The following UGT2B17 variants were observed in gnomAD, a reference collection of about 807,000 sequenced individuals.
The protein encoded by UGT2B17 is UDP-glucuronosyltransferase 2B17.
UGT2B17 carries 21 observed loss-of-function variants against 48.2 expected under a neutral mutation model. That is an observed-to-expected ratio of 0.44 (90% CI 0.31 to 0.63). The LOEUF (loss-of-function observed/expected upper bound fraction) is 0.63, where lower values mean the gene tolerates loss of function less well. Ranked by LOEUF, UGT2B17 falls within the 20% of genes least tolerant of loss-of-function variation. UGT2B17 has a pLI of 0.08. For synonymous variants in UGT2B17, 146 were observed against 238.4 expected, an observed-to-expected ratio of 0.61 and a Z score of 3.57; for missense variants, 402 against 696.1, an observed-to-expected ratio of 0.58 and a Z score of 4.75.
Position 68,545,490 on chromosome 4 carries a change from C to G in UGT2B17, c.1313+5187G>C, listed in dbSNP as rs2109761620. On this transcript the variant is annotated intron_variant, in intron 6 of 6. Transcript: ENST00000317746. ...GAAAGCAGGAAACATCTAAAATTGACACCCTAACGTCACAATTAAAAGAAC... is the reference window on the plus strand; with the variant it reads ...GAAAGCAGGAAACATCTAAAATTGAGACCCTAACGTCACAATTAAAAGAAC... Among the ~76,000 whole-genome samples the G allele has an allele frequency of 1.6e-5, 2 of 125,340 alleles. 1 individual carries two copies. 82.2% of individuals were successfully genotyped at this position (125,340 alleles called of 152,430 possible). A position where few individuals can be genotyped will look rare whatever the true frequency, so the allele number is the denominator to read the frequency against.
At position 68,537,307 on chromosome 4, in the gene UGT2B17, G is replaced by A. The variant is rs1476251674; in HGVS notation, c.*318C>T. The A allele has an allele frequency of 7.9e-5, 12 of 152,216 alleles. 1 individual carries two copies. Among genetic ancestry groups the A allele is most frequent in the Non-Finnish European group, 1.4e-4 (11 of 78,556 alleles). The allele number at this position is 152,216 out of a possible 1,614,324, so 9.4% of individuals were successfully genotyped here. ...ATGAGTGGAGTTGTTAATGTTTTGT[G>A]TTCAAATACAATGTGTGAAACATAA... On this transcript the variant is annotated 3_prime_UTR_variant, in exon 7 of 7. Transcript: ENST00000317746.
rs992007859 is a variant in UGT2B17, at chr4:68,547,307, A to G, written c.1313+3370T>C. Among the ~76,000 whole-genome samples, 9 of 126,314 alleles carry G rather than the reference A, an allele frequency of 7.1e-5. 1 individual carries two copies. Among genetic ancestry groups the G allele is most frequent in the African/African-American group, 2.4e-4 (9 of 36,932 alleles). The allele number at this position is 126,314 out of a possible 152,430, so 82.9% of individuals were successfully genotyped here. ...CTATCTGATCTTTGACAAACCTTAC[A>G]AAAACAAGAAATGGGGAAAGGATTC... On this transcript the variant is annotated intron_variant, in intron 6 of 6. Transcript: ENST00000317746.
At chr4:68,546,723 C>G (rs1159184208) in intron 6 of UGT2B17, among the ~76,000 whole-genome samples, 1 of 125,866 alleles carries the variant, frequency 7.9e-6, no homozygotes, top group African/African-American at 2.7e-5. Context: ...GCAACTTCAG[C>G]AAAGTCTCAG....
At chr4:68,552,156 A>G (rs1730927930) in intron 4 of UGT2B17, among the ~76,000 whole-genome samples, 2 of 126,136 alleles carry the variant, frequency 1.6e-5, no homozygotes, top group African/African-American at 5.4e-5. Context: ...AGCTAGACAC[A>G]TGAGAGTGTG....
intron 3 of UGT2B17, among the ~76,000 whole-genome samples, chr4:68,563,783 T>A (rs1731145130): frequency 8.0e-6 from 1 of 125,718 alleles, no homozygotes; most frequent in Non-Finnish European, 1.7e-5. Context: ...CAACTTTAGC[T>A]TTCCAGCGTG....
intron 6 of UGT2B17, among the ~76,000 whole-genome samples, chr4:68,546,487 G>C (rs1345379545): frequency 7.9e-6 from 1 of 126,082 alleles, no homozygotes; most frequent in African/African-American, 2.7e-5. Flanking sequence ...TGGGCAAAAG[G>C]TGGAAGCATT....
At position 68,572,585 on chromosome 4, in the gene UGT2B17, C is replaced by T. The variant is rs1018925497; in HGVS notation, c.-65+3366G>A. On this transcript the variant is annotated intron_variant, in intron 1 of 6. Coordinates refer to ENST00000317746, the MANE Select transcript of UGT2B17 (RefSeq NM_001077.4). Reference sequence around the variant, plus strand: ...CTGATAAGAAAGACGATTATGAGGGCGTGATCATGGAAGGCAATTAGCTCT... The same window carrying T: ...CTGATAAGAAAGACGATTATGAGGGTGTGATCATGGAAGGCAATTAGCTCT... 5.6e-5 allele frequency among the ~76,000 whole-genome samples: 7 copies of T among 125,794 alleles called. 2 individuals carry two copies. The highest frequency in any genetic ancestry group is 1.1e-4 in the African/African-American group (4 of 36,634). The allele number at this position is 125,794 out of a possible 152,430, so 82.5% of individuals were successfully genotyped here.
chr4:68,541,056 A>G (rs1730646359), intron 6 of UGT2B17, among the ~76,000 whole-genome samples: 2 of 125,680 alleles, frequency 1.6e-5, no homozygotes, highest in Non-Finnish European at 3.4e-5. Flanking sequence ...ATTGATGAGT[A>G]TTTGTGTTGG....
At chr4:68,566,712 T>G (rs1731208389) in intron 2 of UGT2B17, among the ~76,000 whole-genome samples, 1 of 56,234 alleles carries the variant, frequency 1.8e-5, no homozygotes, top group African/African-American at 6.0e-5. Context: ...TCTCAGGTAT[T>G]TCTTTACAGC....
rs1341035301 is a variant in UGT2B17, at chr4:68,570,467, T to C, written c.-64-1919A>G. 6.3e-5 allele frequency among the ~76,000 whole-genome samples: 8 copies of C among 126,972 alleles called. 3 individuals are homozygous for C. The Admixed American group carries it at 6.4e-4, about 10-fold the overall frequency. 83.3% of individuals were successfully genotyped at this position (126,972 alleles called of 152,430 possible). On this transcript the variant is annotated intron_variant, in intron 1 of 6. Coordinates refer to ENST00000317746, the MANE Select transcript of UGT2B17 (RefSeq NM_001077.4). Reference sequence around the variant, plus strand: ...GGCCTGGAGCCAGGCTGCCTGTCTTTGGTTTTACTTCTTTGTTGTTTTTTC... The same window carrying C: ...GGCCTGGAGCCAGGCTGCCTGTCTTCGGTTTTACTTCTTTGTTGTTTTTTC...
At chr4:68,561,710 T>G (rs2109773045) in intron 3 of UGT2B17, among the ~76,000 whole-genome samples, 1 of 121,128 alleles carries the variant, frequency 8.3e-6, no homozygotes, top group African/African-American at 2.8e-5. Flanking sequence ...TATTCTGACT[T>G]GTGTTTCCTG....
intron 6 of UGT2B17, 56 bp from the exon 7 acceptor site, chr4:68,537,960 A>C: frequency 1.7e-6 from 2 of 1,192,116 alleles, no homozygotes; most frequent in South Asian, 5.1e-5. Flanking sequence ...GCTTAAGCAT[A>C]TCAAGTCTAT....
In UGT2B17 at chr4:68,565,835, A is replaced by G. The variant is rs1228826077; in HGVS notation, c.725-115T>C. On this transcript the variant is annotated intron_variant, in intron 2 of 6. Transcript: ENST00000317746. ...CTTGGAATAACATACCTAAAAATAT[A>G]TAAAATGTCTGCACATTGATAATAT... 4 of 862,846 alleles carry G rather than the reference A, an allele frequency of 4.6e-6. 1 individual carries two copies. The highest frequency in any genetic ancestry group is 1.8e-5 in the African/African-American group (1 of 54,088). 53.4% of individuals were successfully genotyped at this position (862,846 alleles called of 1,614,324 possible).
In UGT2B17 at chr4:68,552,310, G is replaced by T. The variant is rs1328695296; in HGVS notation, c.1006-399C>A. On this transcript the variant is annotated intron_variant, in intron 4 of 6. Coordinates refer to ENST00000317746, the MANE Select transcript of UGT2B17 (RefSeq NM_001077.4). The stretch of plus-strand genomic sequence containing the variant: ...ATATCTAATTGCCTCATTTGGAGAG[G>T]CTAATCAGAAACTCAAAGGAATTCA... 1.6e-5 allele frequency among the ~76,000 whole-genome samples: 2 copies of T among 125,798 alleles called. 1 individual carries two copies. The highest frequency in any genetic ancestry group is 3.4e-5 in the Non-Finnish European group (2 of 59,318). The allele number at this position is 125,798 out of a possible 152,430, so 82.5% of individuals were successfully genotyped here.
rs780854686 is a variant in UGT2B17, at chr4:68,540,911, C to T, written c.1314-3007G>A. ...ACATGTGGTGTTTGGTTTTCTGTTC[C>T]TGTGTTAGTTTGCTGAGGATAATGG... On this transcript the variant is annotated intron_variant, in intron 6 of 6. Coordinates refer to ENST00000317746, the MANE Select transcript of UGT2B17 (RefSeq NM_001077.4). 1.6e-5 allele frequency among the ~76,000 whole-genome samples: 2 copies of T among 125,176 alleles called. 1 individual carries two copies. The highest frequency in any genetic ancestry group is 3.4e-5 in the Non-Finnish European group (2 of 59,306). 82.1% of individuals were successfully genotyped at this position (125,176 alleles called of 152,430 possible).
In UGT2B17 at chr4:68,550,712, C is replaced by G. The variant is rs143750013; in HGVS notation, c.1278G>C (p.Leu426Phe). Residue 426 changes from leucine to phenylalanine, a missense_variant, in exon 6 of 7, where the codon TTG (leucine) becomes TTC (phenylalanine). Coordinates refer to ENST00000317746, the MANE Select transcript of UGT2B17 (RefSeq NM_001077.4). ...VDIRTMSSRD[L>F]LNALKSVIND... Reference sequence around the variant, plus strand: ...TAATGACTGACTTCAATGCATTGAGCAAATCTCTACTTGACATGGTCCTGA... The same window carrying G: ...TAATGACTGACTTCAATGCATTGAGGAAATCTCTACTTGACATGGTCCTGA... 1.2e-4 allele frequency: 167 copies of G among 1,378,668 alleles called. 41 individuals are homozygous for G. Among genetic ancestry groups the G allele is most frequent in the Non-Finnish European group, 1.5e-4 (156 of 1,055,286 alleles). The allele number at this position is 1,378,668 out of a possible 1,614,324, so 85.4% of individuals were successfully genotyped here. A position where few individuals can be genotyped will look rare whatever the true frequency, so the allele number is the denominator to read the frequency against.
chr4:68,564,228 T>C lies in UGT2B17; in HGVS notation c.873+1344A>G, dbSNP rs1386422288. 3.3e-5 allele frequency among the ~76,000 whole-genome samples: 4 copies of C among 119,484 alleles called. 1 individual carries two copies. Among genetic ancestry groups the C allele is most frequent in the Non-Finnish European group, 5.2e-5 (3 of 57,992 alleles). The allele number at this position is 119,484 out of a possible 152,430, so 78.4% of individuals were successfully genotyped here. A position where few individuals can be genotyped will look rare whatever the true frequency, so the allele number is the denominator to read the frequency against. On this transcript the variant is annotated intron_variant, in intron 3 of 6. Coordinates refer to ENST00000317746, the MANE Select transcript of UGT2B17 (RefSeq NM_001077.4). ...TGATCATATCTCTTCATTTCTTAAC[T>C]CTTTTCAGTAGCTCTCCATTGTCCT...
In UGT2B17 at chr4:68,568,173, A is replaced by G; in HGVS notation, c.312T>C (p.Asn104=). 1.4e-6 allele frequency: 2 copies of G among 1,380,218 alleles called. 1 individual carries two copies. Among genetic ancestry groups the G allele is most frequent in the Non-Finnish European group, 1.9e-6 (2 of 1,054,088 alleles). 85.5% of individuals were successfully genotyped at this position (1,380,218 alleles called of 1,614,324 possible). Residue 104 remains asparagine, a synonymous_variant, in exon 2 of 7, where the codon AAT becomes AAC. Coordinates refer to ENST00000317746, the MANE Select transcript of UGT2B17 (RefSeq NM_001077.4). ...GTTGTGAAAAATATGACCAAAATGT[A>G]TTTTTTGAAATACTATATGTCCATC... ...FDRWTYSISK[N]TFWSYFSQLQ...
intron 5 of UGT2B17, among the ~76,000 whole-genome samples, chr4:68,551,366 G>T (rs1286344604): frequency 8.1e-6 from 1 of 124,044 alleles, no homozygotes; most frequent in Non-Finnish European, 1.7e-5. Context: ...TGCTGAGGAA[G>T]GACAGGTTAC....
Sources: allele counts gnomAD v4.1 joint callset (sites outside exome capture counted in the v4.1 genomes callset), GRCh38; gene constraint gnomAD v4.1.1; transcripts MANE v1.5; gene names NCBI Gene and HGNC (gene_info 2026-07-23, HGNC 2026-07-21).